Variants in MEIOSIN observed in about 807,000 individuals in gnomAD.
MEIOSIN encodes the protein meiosis initiator, also known as meiosis initiator protein.
A neutral mutation model predicts 23.4 loss-of-function variants in MEIOSIN; 18 were observed. The observed-to-expected ratio is 0.77, with a 90% CI of 0.53 to 1.14. MEIOSIN has a LOEUF of 1.14. MEIOSIN is among the 50% of genes most tolerant of loss of function. The probability of loss-of-function intolerance (pLI) is 0.00; values close to 1 mark genes in which losing one functional copy is unlikely to be tolerated. For synonymous variants in MEIOSIN, 187 were observed against 100.6 expected (o/e 1.86, Z -5.14); for missense variants, 428 against 242.9 (o/e 1.76, Z -5.07).
At chr19:45,734,693 G>A (rs1968381566) in intron 1 of MEIOSIN, among the ~76,000 whole-genome samples, 1 of 149,630 alleles carries the variant, frequency 6.7e-6, no homozygotes, top group African/African-American at 2.5e-5. Flanking sequence ...TTTTGTAGAG[G>A]TGGAGTTTTG....
chr19:45,751,044 G>A (rs1173185091), intron 5 of MEIOSIN, among the ~76,000 whole-genome samples: 1 of 151,994 alleles, frequency 6.6e-6, no homozygotes, highest in African/African-American at 2.4e-5. Flanking sequence ...AGGCCGAGGC[G>A]GGCGGATCGC....
chr19:45,736,555 G>A (rs984681448), intron 2 of MEIOSIN, among the ~76,000 whole-genome samples: 1 of 151,410 alleles, frequency 6.6e-6, no homozygotes, highest in African/African-American at 2.4e-5. Flanking sequence ...TTTTAGTAGA[G>A]ACAGGGTCTC....
chr19:45,752,388 A>G (rs1478570096), intron 5 of MEIOSIN, among the ~76,000 whole-genome samples: 1 of 151,478 alleles, frequency 6.6e-6, no homozygotes, highest in Non-Finnish European at 1.5e-5. Context: ...GCTAATTTTT[A>G]TATTTTTAGT....
intron 4 of MEIOSIN, among the ~76,000 whole-genome samples, chr19:45,749,671 C>CAAAA (rs71175219): frequency 0.011 from 365 of 34,110 alleles, 13 homozygotes; most frequent in African/African-American, 0.017. Flanking sequence ...GATTCTGTCT[C>CAAAA]AAAAAAAAAA....
Position 45,742,341 on chromosome 19 carries a change from A to G in MEIOSIN, c.176+2611A>G, listed in dbSNP as rs114384123. On this transcript the variant is annotated intron_variant, in intron 3 of 14. Transcript: ENST00000457052. ...AAAAAAATTTTAAAAATAGCCTGGC[A>G]TGGTGGTGCATGCCTAAAGTCCCAG... Among the ~76,000 whole-genome samples, 1,398 of 152,160 alleles carry G rather than the reference A, an allele frequency of 9.2e-3. 25 individuals carry two copies. The highest frequency in any genetic ancestry group is 0.032 in the African/African-American group (1,321 of 41,500).
chr19:45,748,976 G>A (rs896167241), intron 4 of MEIOSIN, among the ~76,000 whole-genome samples: 1 of 152,010 alleles, frequency 6.6e-6, no homozygotes. Flanking sequence ...GGTTGAGGTG[G>A]GAGAATCGCT....
chr19:45,762,698 C>T (rs1441430083), intron 13 of MEIOSIN, among the ~76,000 whole-genome samples: 1 of 152,182 alleles, frequency 6.6e-6, no homozygotes, highest in African/African-American at 2.4e-5. Context: ...GCCTCGGCCT[C>T]TCAAATTGCT....
At chr19:45,742,103 T>G (rs910275655) in intron 3 of MEIOSIN, among the ~76,000 whole-genome samples, 13 of 152,234 alleles carry the variant, frequency 8.5e-5, no homozygotes, top group African/African-American at 3.1e-4. Flanking sequence ...CTTGAACTCC[T>G]GACCTCAGGT....
In MEIOSIN at chr19:45,759,480, C is replaced by T. The variant is rs1375812453; in HGVS notation, c.1235C>T (p.Pro412Leu). The part of the protein sequence containing the change: ...SSPSAYTQEA[P>L]QEKDTASKAP... ...CCTTCAGCCTACACGCAGGAGGCTC[C>T]ACAGGAAAAGGTAGACATCCTCTGC... is the stretch of plus-strand genomic sequence containing the variant. Residue 412 changes from proline to leucine, a missense_variant, in exon 11 of 15, where the codon CCA (proline) becomes CTA (leucine). By Grantham distance (98) the Pro-to-Leu change is moderately conservative. Transcript: ENST00000457052. 6 of 703,368 alleles carry T rather than the reference C, an allele frequency of 8.5e-6. No individual in the cohort carries two copies. Among genetic ancestry groups the T allele is most frequent in the East Asian group, 8.0e-5 (3 of 37,280 alleles). 43.6% of individuals were successfully genotyped at this position (703,368 alleles called of 1,614,324 possible). A position where few individuals can be genotyped will look rare whatever the true frequency, so the allele number is the denominator to read the frequency against.
intron 2 of MEIOSIN, among the ~76,000 whole-genome samples, chr19:45,736,383 CAG>C (rs1968408546): frequency 6.6e-6 from 1 of 151,880 alleles, no homozygotes; most frequent in Admixed American, 6.6e-5. Context: ...TTTTTTAAGA[CAG>C]AGTCTAACTC....
chr19:45,763,289 C>A, intron 13 of MEIOSIN, 49 bp from the exon 14 acceptor site: 2 of 398,630 alleles, frequency 5.0e-6, no homozygotes, highest in South Asian at 2.6e-4. Context: ...AGTTCTCAGT[C>A]AGGGTGTCCT....
intron 9 of MEIOSIN, among the ~76,000 whole-genome samples, 188 bp downstream of exon 9, chr19:45,757,465 AC>A (rs1388283274): frequency 6.6e-6 from 1 of 151,772 alleles, no homozygotes; most frequent in Non-Finnish European, 1.5e-5. Context: ...ACAATCAATC[AC>A]CACTCTTTCC....
At chr19:45,740,040 G>C (rs1031564323) in intron 3 of MEIOSIN, among the ~76,000 whole-genome samples, 4 of 152,046 alleles carry the variant, frequency 2.6e-5, no homozygotes, top group South Asian at 2.1e-4. Flanking sequence ...GTAGAAACAG[G>C]GTTTCACCAT....
chr19:45,760,324 C>T (rs138570352), intron 11 of MEIOSIN, among the ~76,000 whole-genome samples: 164 of 152,124 alleles, frequency 1.1e-3, no homozygotes, highest in African/African-American at 3.8e-3. Context: ...AAGAAGTGTC[C>T]GGGCGTGGTG....
intron 13 of MEIOSIN, 99 bp downstream of exon 13, chr19:45,762,282 C>A (rs906235885): frequency 5.0e-6 from 2 of 399,754 alleles, no homozygotes; most frequent in African/African-American, 2.1e-5. Context: ...GACACTTTTT[C>A]CCCCTCCGAG....
At chr19:45,734,727 A>G (rs1422959898) in intron 1 of MEIOSIN, among the ~76,000 whole-genome samples, 2 of 148,738 alleles carry the variant, frequency 1.3e-5, no homozygotes, top group Non-Finnish European at 3.0e-5. Context: ...CTGGTCTCAA[A>G]CTCCTGAGAT....
At position 45,750,689 on chromosome 19, in the gene MEIOSIN, G is replaced by A; in HGVS notation, c.321G>A (p.Val107=). The stretch of plus-strand genomic sequence containing the variant: ...TTTTGAGGCAGAAGGAGATTCTGGT[G>A]CATGTCCTGCAGTACATTCAGTACC... ...TKKLTKKEIL[V]HVLQYIQYLQ... is the part of the protein sequence containing the mutation. Residue 107 remains valine (V), a synonymous_variant, in exon 5 of 15, where the codon GTG becomes GTA. Coordinates refer to ENST00000457052, the MANE Select transcript of MEIOSIN (RefSeq NM_001310124.2). The A allele has an allele frequency of 3.4e-6, 2 of 593,560 alleles. No individual in the cohort carries two copies. The highest frequency in any genetic ancestry group is 6.0e-6 in the Non-Finnish European group (2 of 335,802). The allele number at this position is 593,560 out of a possible 1,614,324, so 36.8% of individuals were successfully genotyped here.
At chr19:45,737,336 C>T (rs1248654445) in intron 2 of MEIOSIN, among the ~76,000 whole-genome samples, 2 of 151,946 alleles carry the variant, frequency 1.3e-5, no homozygotes, top group Admixed American at 1.3e-4. Context: ...TGCACCACCA[C>T]GCCTGGCTAA....
Position 45,759,456 on chromosome 19 carries a change from C to G in MEIOSIN, c.1211C>G (p.Pro404Arg). The change falls in exon 11 of 15, where the codon CCT (proline) becomes CGT (arginine). Residue 404 changes from proline to arginine, a missense_variant. By Grantham distance (103) the Pro-to-Arg change is moderately radical. Coordinates refer to ENST00000457052, the MANE Select transcript of MEIOSIN (RefSeq NM_001310124.2). The part of the protein sequence containing the change: ...EEVCLDLESS[P>R]SAYTQEAPQE... ...GTGTGCTTAGATCTGGAGTCTTCAC[C>G]TTCAGCCTACACGCAGGAGGCTCCA... 1 of 703,520 alleles carries G rather than the reference C, an allele frequency of 1.4e-6. No homozygotes were observed. Among genetic ancestry groups the G allele is most frequent in the Non-Finnish European group, 2.6e-6 (1 of 385,100 alleles). The allele number at this position is 703,520 out of a possible 1,614,324, so 43.6% of individuals were successfully genotyped here.
Sources: allele counts gnomAD v4.1 joint callset (sites outside exome capture counted in the v4.1 genomes callset), GRCh38; gene constraint gnomAD v4.1.1; transcripts MANE v1.5; gene names NCBI Gene and HGNC (gene_info 2026-07-23, HGNC 2026-07-21).